The following CBR3 variants were observed in gnomAD, a reference collection of about 807,000 sequenced individuals.
CBR3 encodes the protein carbonyl reductase 3, also known as carbonyl reductase [NADPH] 3.
A neutral mutation model predicts 11.6 loss-of-function variants in CBR3; 14 were observed. That is an observed-to-expected ratio of 1.20 (90% CI 0.79 to 1.88). The LOEUF (loss-of-function observed/expected upper bound fraction) is 1.88. CBR3 is among the 40% of genes most tolerant of loss of function. The pLI is 0.00. For synonymous variants in CBR3, 125 were observed against 145.6 expected, an observed-to-expected ratio of 0.86 and a Z score of 1.02; for missense variants, 308 against 357.3, an observed-to-expected ratio of 0.86 and a Z score of 1.11.
chr21:36,144,483 C>T (rs536292802), intron 2 of CBR3, among the ~76,000 whole-genome samples: 18 of 149,634 alleles, frequency 1.2e-4, no homozygotes, highest in Admixed American at 7.3e-4. Flanking sequence ...ATTTTTAGGC[C>T]GGGTGTAGTG....
chr21:36,145,160 A>G (rs569682474), intron 2 of CBR3: 1 of 152,302 alleles, frequency 6.6e-6, no homozygotes, highest in South Asian at 2.1e-4. Context: ...TGGGGAATCT[A>G]CAAATTTACT....
At chr21:36,136,634 T>C (rs561950871) in intron 1 of CBR3, among the ~76,000 whole-genome samples, 1 of 152,188 alleles carries the variant, frequency 6.6e-6, no homozygotes, top group African/African-American at 2.4e-5. Flanking sequence ...GGACTTCCCC[T>C]TGCCTTTCAA....
chr21:36,141,189 G>A (rs966775518), intron 2 of CBR3, among the ~76,000 whole-genome samples: 1 of 151,132 alleles, frequency 6.6e-6, no homozygotes, highest in Non-Finnish European at 1.5e-5. Context: ...TTGGGCCCAG[G>A]AGGTTGAGGC....
At chr21:36,140,473 T>C (rs2065699884) in intron 2 of CBR3, among the ~76,000 whole-genome samples, 1 of 152,174 alleles carries the variant, frequency 6.6e-6, no homozygotes, top group Non-Finnish European at 1.5e-5. Flanking sequence ...ATCTTTTTTG[T>C]GGCTATATAG....
At position 36,137,971 on chromosome 21, in the gene CBR3, G is replaced by A. The variant is rs775572233; in HGVS notation, c.397+39G>A. 8 of 1,104,700 alleles carry A rather than the reference G, an allele frequency of 7.2e-6. No individual in the cohort carries two copies. The African/African-American group carries it at 9.3e-5, about 13-fold the overall frequency. The allele number at this position is 1,104,700 out of a possible 1,614,324, so 68.4% of individuals were successfully genotyped here. On this transcript the variant is annotated intron_variant, in intron 2 of 2. Coordinates refer to ENST00000290354, the MANE Select transcript of CBR3 (RefSeq NM_001236.4). ...GTGGACAGTCGGGTTGCATCCCTCA[G>A]TAAGAAGTGGGCTACAGGCTTCCCG...
intron 2 of CBR3, among the ~76,000 whole-genome samples, chr21:36,142,240 C>T (rs562119058): frequency 6.6e-5 from 10 of 151,838 alleles, no homozygotes; most frequent in Non-Finnish European, 7.4e-5. Context: ...AGACTATCCT[C>T]GCTAACACGG....
rs9282629 is a variant in CBR3 at position 36,143,234 on chromosome 21, T to C, written c.398-2842T>C. On this transcript the variant is annotated intron_variant, in intron 2 of 2. Coordinates refer to ENST00000290354, the MANE Select transcript of CBR3 (RefSeq NM_001236.4). Reference sequence around the variant, plus strand: ...GCAGGAGAATCACTTAAACCCGAGATAGAGGTTGCAGTGAGCTGAGATCGC... The same window carrying C: ...GCAGGAGAATCACTTAAACCCGAGACAGAGGTTGCAGTGAGCTGAGATCGC... Among the ~76,000 whole-genome samples the C allele has an allele frequency of 4.3e-4, 65 of 151,184 alleles. No individual in the cohort carries two copies. In the South Asian group the frequency reaches 6.9e-3, roughly 16 times the overall value.
At chr21:36,139,387 T>TTC (rs2065690608) in intron 2 of CBR3, among the ~76,000 whole-genome samples, 1 of 148,212 alleles carries the variant, frequency 6.7e-6, no homozygotes, top group Admixed American at 6.7e-5. Flanking sequence ...TTTTTCTTTT[T>TTC]TTTTTTTTTT....
intron 2 of CBR3, among the ~76,000 whole-genome samples, chr21:36,142,431 C>CAAAAAAAAAAAAACAAAAAAAAAAA: frequency 2.5e-5 from 1 of 40,424 alleles, no homozygotes; most frequent in African/African-American, 1.1e-4. Context: ...GACTCCATCT[C>CAAAAAAAAAAAAACAAAAAAAAAAA]AAAAAAAAAA....
chr21:36,137,968 TCAG>T, intron 2 of CBR3, 36 bp downstream of exon 2: 1 of 1,175,402 alleles, frequency 8.5e-7, no homozygotes, highest in Non-Finnish European at 1.3e-6. Flanking sequence ...GTTGCATCCC[TCAG>T]TAAGAAGTGG....
intron 2 of CBR3, among the ~76,000 whole-genome samples, chr21:36,140,554 G>C (rs961008258): frequency 6.6e-6 from 1 of 151,672 alleles, no homozygotes; most frequent in African/African-American, 2.4e-5. Context: ...TTTTGAATGG[G>C]AACTTGAGAG....
intron 1 of CBR3, 76 bp from the exon 2 acceptor site, chr21:36,137,749 G>A (rs1344541653): frequency 1.2e-6 from 1 of 823,542 alleles, no homozygotes; most frequent in African/African-American, 1.7e-5. Flanking sequence ...GTTGTTAGGA[G>A]TTAGGATCCA....
Position 36,142,431 on chromosome 21 carries a change from C to CAAAAAAAAAAAA in CBR3, c.398-3639_398-3628dup, listed in dbSNP as rs71326645. 1.5e-3 allele frequency among the ~76,000 whole-genome samples: 59 copies of CAAAAAAAAAAAA among 40,416 alleles called. 7 individuals are homozygous for CAAAAAAAAAAAA. The highest frequency in any genetic ancestry group is 3.4e-3 in the African/African-American group (30 of 8,866). The allele number at this position is 40,416 out of a possible 152,430, so 26.5% of individuals were successfully genotyped here. On this transcript the variant is annotated intron_variant, in intron 2 of 2. Coordinates refer to ENST00000290354, the MANE Select transcript of CBR3 (RefSeq NM_001236.4). ...TAGGTGACAGAGCGAGACTCCATCTCAAAAAAAAAAAAAAAAACGCAATCC... is the reference window on the plus strand; with the variant it reads ...TAGGTGACAGAGCGAGACTCCATCTCAAAAAAAAAAAAAAAAAAAAAAAAAAAAACGCAATCC...
At chr21:36,141,209 C>A (rs1156864151) in intron 2 of CBR3, among the ~76,000 whole-genome samples, 1 of 145,966 alleles carries the variant, frequency 6.9e-6, no homozygotes, top group Non-Finnish European at 1.5e-5. Flanking sequence ...CTGCAGTGAG[C>A]TATGATTGTG....
intron 2 of CBR3, among the ~76,000 whole-genome samples, chr21:36,143,141 C>T (rs2065726628): frequency 6.6e-6 from 1 of 151,964 alleles, no homozygotes; most frequent in Non-Finnish European, 1.5e-5. Context: ...CCCATCTCTC[C>T]TAAAAATACA....
chr21:36,146,556 G>T lies in CBR3; in HGVS notation c.*44G>T. On this transcript the variant is annotated 3_prime_UTR_variant, in exon 3 of 3. Transcript: ENST00000290354. ...GCTGCTTAATAAATGTTGGTGGAAT[G>T]AATGAATGAATTGATGCTGTGGTTT... 1 of 1,449,950 alleles carries T rather than the reference G, an allele frequency of 6.9e-7. No individual in the cohort carries two copies. The highest frequency in any genetic ancestry group is 9.4e-7 in the Non-Finnish European group (1 of 1,063,892). 89.8% of individuals were successfully genotyped at this position (1,449,950 alleles called of 1,614,324 possible). A position where few individuals can be genotyped will look rare whatever the true frequency, so the allele number is the denominator to read the frequency against.
At chr21:36,145,531 A>T (rs1052809570) in intron 2 of CBR3, among the ~76,000 whole-genome samples, 2 of 152,106 alleles carry the variant, frequency 1.3e-5, no homozygotes, top group African/African-American at 4.8e-5. Flanking sequence ...GTAGAGACAG[A>T]GTTTTGCCAC....
chr21:36,146,350 T>C lies in CBR3; in HGVS notation c.672T>C (p.Asn224=), dbSNP rs749128604. The C allele has an allele frequency of 6.2e-7, 1 of 1,614,134 alleles. No individual in the cohort carries two copies. Among genetic ancestry groups the C allele is most frequent in the Non-Finnish European group, 8.5e-7 (1 of 1,180,022 alleles). The change falls in exon 3 of 3, where the codon AAT becomes AAC. Residue 224 remains asparagine (N), a synonymous_variant. Coordinates refer to ENST00000290354, the MANE Select transcript of CBR3 (RefSeq NM_001236.4). ...GGAAAGCTGACAGGATTCTGGTGAATGCGTGCTGCCCAGGACCAGTGAAGA... is the reference window on the plus strand; with the variant it reads ...GGAAAGCTGACAGGATTCTGGTGAACGCGTGCTGCCCAGGACCAGTGAAGA... ...EKRKADRILV[N]ACCPGPVKTD...
intron 1 of CBR3, among the ~76,000 whole-genome samples, chr21:36,136,714 C>G (rs2065662645): frequency 6.6e-6 from 1 of 152,018 alleles, no homozygotes; most frequent in Admixed American, 6.6e-5. Context: ...TCCCGCCTTG[C>G]CCCACACCTG....
Sources: gnomAD v4.1 joint callset for allele counts (sites outside exome capture counted in the v4.1 genomes callset) on GRCh38, gnomAD v4.1.1 for gene constraint, MANE v1.5 for transcripts, NCBI Gene and HGNC (gene_info 2026-07-23, HGNC 2026-07-21) for gene names.